ST6GALNAC3: variants seen among roughly 807,000 people sequenced by gnomAD.
ST6GALNAC3 encodes ST6 N-acetylgalactosaminide alpha-2,6-sialyltransferase 3.
ST6GALNAC3 carries 25 observed loss-of-function variants against 32.7 expected under a neutral mutation model. The observed-to-expected ratio is 0.76, with a 90% confidence interval of 0.56 to 1.07. The LOEUF is 1.07. Ranked by LOEUF, ST6GALNAC3 falls within the 50% of genes least tolerant of loss-of-function variation. ST6GALNAC3 has a pLI of 0.00. For missense variants in ST6GALNAC3, 355 were observed against 382.4 expected, an observed-to-expected ratio of 0.93 and a Z score of 0.60; for synonymous variants, 129 against 133.1, an observed-to-expected ratio of 0.97 and a Z score of 0.21.
chr1:76,173,869 GACTTTTAC>G (rs1472383580), intron 1 of ST6GALNAC3, among the ~76,000 whole-genome samples: 1 of 152,106 alleles, frequency 6.6e-6, no homozygotes, highest in Non-Finnish European at 1.5e-5. Flanking sequence ...GAAATAGGAA[GACTTTTAC>G]ACTGTTGGTG....
chr1:76,460,148 A>G (rs1233225035), intron 3 of ST6GALNAC3, among the ~76,000 whole-genome samples: 1 of 152,014 alleles, frequency 6.6e-6, no homozygotes, highest in Non-Finnish European at 1.5e-5. Flanking sequence ...AACCCTTGTT[A>G]TTTTTCATTT....
chr1:76,482,507 G>T (rs1022663667), intron 3 of ST6GALNAC3, among the ~76,000 whole-genome samples: 3 of 152,088 alleles, frequency 2.0e-5, no homozygotes, highest in Non-Finnish European at 2.9e-5. Flanking sequence ...CTCCCTGTGG[G>T]CAAGGCACTG....
At chr1:76,502,415 T>C (rs966224663) in intron 3 of ST6GALNAC3, among the ~76,000 whole-genome samples, 1 of 152,200 alleles carries the variant, frequency 6.6e-6, no homozygotes, top group Non-Finnish European at 1.5e-5. Context: ...TATTGTCTCA[T>C]AGTTCTGAAG....
intron 1 of ST6GALNAC3, among the ~76,000 whole-genome samples, chr1:76,201,162 C>T (rs1257067110): frequency 6.6e-6 from 1 of 152,148 alleles, no homozygotes; most frequent in Non-Finnish European, 1.5e-5. Context: ...AGTCTGTTCT[C>T]TCACTGCTGA....
At chr1:76,608,597 ATGTGTG>A (rs60960904) in intron 3 of ST6GALNAC3, among the ~76,000 whole-genome samples, 3,412 of 135,164 alleles carry the variant, frequency 0.025, 78 homozygotes, top group South Asian at 0.059. Flanking sequence ...TGAGCTGGAA[ATGTGTG>A]TGTGTGTGTG....
chr1:76,177,900 C>A (rs1039336984), intron 1 of ST6GALNAC3, among the ~76,000 whole-genome samples: 1 of 152,084 alleles, frequency 6.6e-6, no homozygotes, highest in Admixed American at 6.5e-5. Flanking sequence ...AGAATATGGA[C>A]CCTCCCTGAA....
At chr1:76,611,082 T>TACAC (rs529178308) in intron 3 of ST6GALNAC3, among the ~76,000 whole-genome samples, 191 of 151,772 alleles carry the variant, frequency 1.3e-3, no homozygotes, top group Middle Eastern at 0.01. Context: ...TATATATATA[T>TACAC]ACACACACAC....
chr1:76,420,741 T>G (rs1034724779), intron 3 of ST6GALNAC3, among the ~76,000 whole-genome samples: 3 of 152,086 alleles, frequency 2.0e-5, no homozygotes, highest in African/African-American at 7.2e-5. Context: ...TATCTAGTCC[T>G]ACCTCTATGT....
chr1:76,465,670 T>G (rs549706714), intron 3 of ST6GALNAC3, among the ~76,000 whole-genome samples: 1 of 152,238 alleles, frequency 6.6e-6, no homozygotes, highest in African/African-American at 2.4e-5. Context: ...AGCTGAAGGG[T>G]TGCAAACTGA....
chr1:76,459,262 G>A (rs1204629692), intron 3 of ST6GALNAC3, among the ~76,000 whole-genome samples: 1 of 152,104 alleles, frequency 6.6e-6, no homozygotes, highest in African/African-American at 2.4e-5. Context: ...CCAGTATACA[G>A]AGAAATATGG....
chr1:76,597,210 C>T lies in ST6GALNAC3; in HGVS notation c.624-30242C>T, dbSNP rs146997706. Among the ~76,000 whole-genome samples, 1,347 of 152,214 alleles carry T rather than the reference C, an allele frequency of 8.8e-3. 17 individuals are homozygous for T. Among genetic ancestry groups the T allele is most frequent in the Non-Finnish European group, 0.015 (992 of 68,010 alleles). ...CAAAATAACAGAGAGCCGAGGAATT[C>T]CACTTTTACTAATCATTCATTTTGA... On this transcript the variant is annotated intron_variant, in intron 3 of 4. Coordinates refer to ENST00000328299, the MANE Select transcript of ST6GALNAC3 (RefSeq NM_152996.4).
chr1:76,630,862 AAC>A lies in ST6GALNAC3; in HGVS notation c.*2058_*2059del. 3 of 985,728 alleles carry A rather than the reference AAC, an allele frequency of 3.0e-6. No homozygotes were observed. Among genetic ancestry groups the A allele is most frequent in the Non-Finnish European group, 3.6e-6 (3 of 829,856 alleles). 61.1% of individuals were successfully genotyped at this position (985,728 alleles called of 1,614,324 possible). The stretch of plus-strand genomic sequence containing the variant: ...AGAAATGCCCACTCAAAGAAAAATA[AAC>A]AGAGACAAATGTTAAAATTGCCATA... On this transcript the variant is annotated 3_prime_UTR_variant, in exon 5 of 5. Transcript: ENST00000328299.
chr1:76,575,157 A>C (rs1255894969), intron 3 of ST6GALNAC3, among the ~76,000 whole-genome samples: 1 of 152,150 alleles, frequency 6.6e-6, no homozygotes, highest in African/African-American at 2.4e-5. Context: ...TCACCTTTAT[A>C]TGCAGAGGAA....
At chr1:76,456,148 G>A (rs1404760046) in intron 3 of ST6GALNAC3, among the ~76,000 whole-genome samples, 1 of 152,066 alleles carries the variant, frequency 6.6e-6, no homozygotes, top group East Asian at 1.9e-4. Flanking sequence ...CTCCAGACTG[G>A]GCGACAGAGT....
At chr1:76,232,148 C>T (rs1260911524) in intron 1 of ST6GALNAC3, among the ~76,000 whole-genome samples, 1 of 152,172 alleles carries the variant, frequency 6.6e-6, no homozygotes, top group East Asian at 1.9e-4. Context: ...AAAGCATGTT[C>T]AGAATTGTTT....
At chr1:76,543,098 T>C (rs1664088303) in intron 3 of ST6GALNAC3, among the ~76,000 whole-genome samples, 1 of 152,228 alleles carries the variant, frequency 6.6e-6, no homozygotes, top group Admixed American at 6.5e-5. Flanking sequence ...TTTCTTTTAA[T>C]TGAGTTTTTA....
rs60454163 is a variant in ST6GALNAC3, at chr1:76,102,235, TTGTG to T, written c.18+27380_18+27383del. Reference sequence around the variant, plus strand: ...TTCAGTTAGTATTTGCCTGGTGTGTTTGTGTGTGTGTGTGTGTGTGTGTGTGTGT... The same window carrying T: ...TTCAGTTAGTATTTGCCTGGTGTGTTTGTGTGTGTGTGTGTGTGTGTGTGT... On this transcript the variant is annotated intron_variant, in intron 1 of 4. Coordinates refer to ENST00000328299, the MANE Select transcript of ST6GALNAC3 (RefSeq NM_152996.4). Among the ~76,000 whole-genome samples, 1,327 of 147,310 alleles carry T rather than the reference TTGTG, an allele frequency of 9.0e-3. 4 individuals carry two copies. Among genetic ancestry groups the T allele is most frequent in the South Asian group, 0.02 (93 of 4,670 alleles).
intron 1 of ST6GALNAC3, among the ~76,000 whole-genome samples, chr1:76,160,000 G>A (rs1017683761): frequency 6.6e-6 from 1 of 152,146 alleles, no homozygotes; most frequent in Non-Finnish European, 1.5e-5. Context: ...GCACTAAACT[G>A]CCTTCCAGAG....
chr1:76,199,502 G>T (rs1468139792), intron 1 of ST6GALNAC3, among the ~76,000 whole-genome samples: 1 of 152,212 alleles, frequency 6.6e-6, no homozygotes, highest in African/African-American at 2.4e-5. Flanking sequence ...ATGATGTCAT[G>T]TAACTAAGTC....
Sources: gnomAD v4.1 joint callset for allele counts (sites outside exome capture counted in the v4.1 genomes callset) on GRCh38, gnomAD v4.1.1 for gene constraint, MANE v1.5 for transcripts, NCBI Gene and HGNC (gene_info 2026-07-23, HGNC 2026-07-21) for gene names.